PCDHA11: variants seen among roughly 807,000 people sequenced by gnomAD.
PCDHA11 encodes the protein protocadherin alpha 11, also known as protocadherin alpha-11.
Under a neutral mutation model 70.3 loss-of-function variants are expected in PCDHA11, and 61 were observed. That is an observed-to-expected ratio of 0.87 (90% CI 0.71 to 1.07). The LOEUF (loss-of-function observed/expected upper bound fraction) is 1.07. PCDHA11 is among the 50% of genes least tolerant of loss of function. The pLI is 0.00. For synonymous variants in PCDHA11, 633 were observed against 555.1 expected (o/e 1.14, Z -1.97); for missense variants, 1,324 against 1,237.5 (o/e 1.07, Z -1.05).
At chr5:140,995,860 A>C (rs1220139939) in intron 3 of PCDHA11, among the ~76,000 whole-genome samples, 1 of 152,220 alleles carries the variant, frequency 6.6e-6, no homozygotes, top group Non-Finnish European at 1.5e-5. Flanking sequence ...CGTATCACTT[A>C]ATAATTGTGC....
chr5:140,986,372 G>A lies in PCDHA11; in HGVS notation c.2539+3809G>A, dbSNP rs570215048. ...TCTTCAGATGGAGGAATGCGTTTTG[G>A]GGGGAGGGACATTAAAGGGCCAGTC... On this transcript the variant is annotated intron_variant, in intron 3 of 3. Coordinates refer to ENST00000398640, the MANE Select transcript of PCDHA11 (RefSeq NM_018902.5). Among the ~76,000 whole-genome samples, 23 of 152,248 alleles carry A rather than the reference G, an allele frequency of 1.5e-4. No homozygotes were observed. In the East Asian group the frequency reaches 1.7e-3, roughly 12 times the overall value.
intron 1 of PCDHA11, chr5:140,871,695 T>A: frequency 1.0e-6 from 1 of 974,906 alleles, no homozygotes; most frequent in Non-Finnish European, 1.5e-6. Context: ...CTGGCTTCTT[T>A]AACCAATAAA....
intron 1 of PCDHA11, among the ~76,000 whole-genome samples, chr5:140,890,832 T>G (rs1554184561): frequency 6.6e-6 from 1 of 152,220 alleles, no homozygotes; most frequent in African/African-American, 2.4e-5. Context: ...ACTTACATAT[T>G]TACCAGTTTT....
intron 1 of PCDHA11, among the ~76,000 whole-genome samples, chr5:140,893,478 C>T (rs1365540423): frequency 2.6e-5 from 4 of 151,996 alleles, no homozygotes; most frequent in African/African-American, 9.7e-5. Flanking sequence ...CATAGCAAGA[C>T]CCTGTTCTTC....
intron 3 of PCDHA11, among the ~76,000 whole-genome samples, chr5:141,003,433 T>G (rs1479468480): frequency 2.0e-5 from 3 of 152,112 alleles, no homozygotes; most frequent in African/African-American, 7.2e-5. Flanking sequence ...TGCCTCAGCC[T>G]CCCAAGTAGA....
chr5:140,891,427 C>T (rs1465861457), intron 1 of PCDHA11, among the ~76,000 whole-genome samples: 2 of 149,500 alleles, frequency 1.3e-5, no homozygotes, highest in African/African-American at 4.9e-5. Flanking sequence ...CCCCCAAGTC[C>T]CCAACGTCCA....
rs562081561 is a variant in PCDHA11 at position 140,927,834 on chromosome 5, C to T, written c.2392-51115C>T. 1.2e-5 allele frequency: 19 copies of T among 1,614,138 alleles called. No homozygotes were observed. In the East Asian group the frequency reaches 2.2e-4, roughly 19 times the overall value. ...TGGAGGCATACATTGAGGCGAGGGA[C>T]GAAGGTGTCTTTGGTTTAGCTAGCA... On this transcript the variant is annotated intron_variant, in intron 1 of 3. Coordinates refer to ENST00000398640, the MANE Select transcript of PCDHA11 (RefSeq NM_018902.5).
At chr5:140,877,980 T>C in intron 1 of PCDHA11, 1 of 1,219,572 alleles carries the variant, frequency 8.2e-7, no homozygotes. Flanking sequence ...TTCTTACTCA[T>C]TTTGAACTTT....
chr5:140,905,170 G>A (rs1350085385), intron 1 of PCDHA11, among the ~76,000 whole-genome samples: 1 of 152,188 alleles, frequency 6.6e-6, no homozygotes, highest in Non-Finnish European at 1.5e-5. Context: ...ATGGTTTCAG[G>A]TTTTAGATTT....
chr5:140,915,252 GTTA>G (rs1291041483), intron 1 of PCDHA11, among the ~76,000 whole-genome samples: 2 of 152,012 alleles, frequency 1.3e-5, no homozygotes, highest in African/African-American at 4.8e-5. Flanking sequence ...TGGCCAGGTT[GTTA>G]TTATTTTTGA....
chr5:140,973,331 TGTAAAGTGACATAGTA>T (rs782725271), intron 1 of PCDHA11, among the ~76,000 whole-genome samples: 2 of 152,218 alleles, frequency 1.3e-5, no homozygotes, highest in Non-Finnish European at 2.9e-5. Context: ...TTACACTCGT[TGTAAAGTGACATAGTA>T]GTGAATTTAT....
chr5:140,933,166 T>C (rs1447932546), intron 1 of PCDHA11, among the ~76,000 whole-genome samples: 1 of 152,002 alleles, frequency 6.6e-6, no homozygotes, highest in African/African-American at 2.4e-5. Context: ...CCAATTTTAA[T>C]TGATGGCATA....
At chr5:140,942,863 T>A (rs1223265899) in intron 1 of PCDHA11, among the ~76,000 whole-genome samples, 2 of 152,126 alleles carry the variant, frequency 1.3e-5, no homozygotes, top group Non-Finnish European at 2.9e-5. Context: ...TTATTTTGCT[T>A]TAGCATGACA....
At chr5:141,006,951 T>TA (rs1428990680) in intron 3 of PCDHA11, among the ~76,000 whole-genome samples, 1 of 152,164 alleles carries the variant, frequency 6.6e-6, no homozygotes, top group Non-Finnish European at 1.5e-5. Context: ...GATAGGCAGT[T>TA]ATACATGAGA....
At chr5:140,960,629 A>C (rs1370416431) in intron 1 of PCDHA11, among the ~76,000 whole-genome samples, 1 of 152,192 alleles carries the variant, frequency 6.6e-6, no homozygotes, top group Admixed American at 6.5e-5. Flanking sequence ...TTTGAAATAT[A>C]TTTTTAAAAC....
chr5:140,993,281 C>T (rs2097548459), intron 3 of PCDHA11, among the ~76,000 whole-genome samples: 1 of 152,102 alleles, frequency 6.6e-6, no homozygotes. Flanking sequence ...TCTTTTCTTG[C>T]CCAGGGTCAC....
At chr5:140,882,247 T>C in intron 1 of PCDHA11, 1 of 1,594,292 alleles carries the variant, frequency 6.3e-7, no homozygotes, top group Non-Finnish European at 8.6e-7. Context: ...TGCAGATAGC[T>C]CTGAGGTTTT....
At chr5:140,887,767 A>G (rs782237653) in intron 1 of PCDHA11, among the ~76,000 whole-genome samples, 6 of 152,194 alleles carry the variant, frequency 3.9e-5, no homozygotes, top group African/African-American at 7.2e-5. Context: ...CATATGTTAC[A>G]ATGACACAGG....
intron 1 of PCDHA11, among the ~76,000 whole-genome samples, chr5:140,971,002 C>A (rs2096450018): frequency 6.6e-6 from 1 of 152,136 alleles, no homozygotes; most frequent in Non-Finnish European, 1.5e-5. Context: ...CAAAGAGTTT[C>A]CAGAAGTCTT....
Sources: allele counts gnomAD v4.1 joint callset (sites outside exome capture counted in the v4.1 genomes callset), GRCh38; gene constraint gnomAD v4.1.1; transcripts MANE v1.5; gene names NCBI Gene and HGNC (gene_info 2026-07-23, HGNC 2026-07-21).